Variants in DLGAP4 observed in about 807,000 individuals in gnomAD.
DLGAP4 encodes the protein disks large-associated protein 4.
Under a neutral mutation model 86.9 loss-of-function variants are expected in DLGAP4, and 18 were observed. The ratio of observed to expected loss-of-function variants is 0.21; its 90% CI spans 0.14 to 0.31. DLGAP4 has a LOEUF of 0.31. DLGAP4 is among the 10% of genes least tolerant of loss of function. DLGAP4 has a pLI of 1.00. For synonymous variants in DLGAP4, 548 were observed against 574.3 expected, an observed-to-expected ratio of 0.95 and a Z score of 0.65; for missense variants, 1,085 against 1,362.6, an observed-to-expected ratio of 0.80 and a Z score of 3.21.
rs34406684 is a variant in DLGAP4, at chr20:36,409,398, CTT to C, written c.-72-22238_-72-22237del. Among the ~76,000 whole-genome samples, 493 of 142,384 alleles carry C rather than the reference CTT, an allele frequency of 3.5e-3. 3 individuals carry two copies. Among genetic ancestry groups the C allele is most frequent in the African/African-American group, 0.012 (446 of 38,402 alleles). 93.4% of individuals were successfully genotyped at this position (142,384 alleles called of 152,430 possible). A position where few individuals can be genotyped will look rare whatever the true frequency, so the allele number is the denominator to read the frequency against. On this transcript the variant is annotated intron_variant, in intron 2 of 12. Coordinates refer to ENST00000339266, the MANE Select transcript of DLGAP4 (RefSeq NM_001365621.2). ...TAAAATAAAAAAAATTTTTTTAAGACTTTTTTTTTTTAACTCTTTTTTTTTTT... is the reference window on the plus strand; with the variant it reads ...TAAAATAAAAAAAATTTTTTTAAGACTTTTTTTTTAACTCTTTTTTTTTTT...
rs939573654 is a variant in DLGAP4, at chr20:36,428,366, G to A, written c.-72-3280G>A. ...GACAGCTCAGATCTAGGGGAAGATG[G>A]ACAAGAAACTAGCAAACAAGTAAAC... On this transcript the variant is annotated intron_variant, in intron 2 of 12. Transcript: ENST00000339266. Among the ~76,000 whole-genome samples, 9 of 152,326 alleles carry A rather than the reference G, an allele frequency of 5.9e-5. No homozygotes were observed. In the South Asian group the frequency reaches 1.9e-3, roughly 32 times the overall value.
At chr20:36,473,385 C>T (rs1028721609) in intron 7 of DLGAP4, among the ~76,000 whole-genome samples, 1 of 152,110 alleles carries the variant, frequency 6.6e-6, no homozygotes, top group Non-Finnish European at 1.5e-5. Context: ...CTGCAGATTC[C>T]TCATTTGTTT....
chr20:36,427,501 G>GGGAAGGAA lies in DLGAP4; in HGVS notation c.-72-4124_-72-4117dup, dbSNP rs557209124. Among the ~76,000 whole-genome samples, 385 of 150,342 alleles carry GGGAAGGAA rather than the reference G, an allele frequency of 2.6e-3. 1 individual carries two copies. Among genetic ancestry groups the GGGAAGGAA allele is most frequent in the African/African-American group, 9.2e-3 (374 of 40,496 alleles). On this transcript the variant is annotated intron_variant, in intron 2 of 12. Transcript: ENST00000339266. ...AAAAGAAAGAAGTGGGAGGGAGGGAGGGAAGGAAGGAAGGAAGGAAGGAAG... is the reference window on the plus strand; with the variant it reads ...AAAAGAAAGAAGTGGGAGGGAGGGAGGGAAGGAAGGAAGGAAGGAAGGAAGGAAGGAAG...
chr20:36,360,859 AG>A (rs1555894175), intron 1 of DLGAP4, among the ~76,000 whole-genome samples: 1 of 150,070 alleles, frequency 6.7e-6, no homozygotes, highest in Non-Finnish European at 1.5e-5. Context: ...GGGTGGGTTT[AG>A]GGGAGAAGGG....
chr20:36,436,839 A>G (rs922053295), intron 4 of DLGAP4, among the ~76,000 whole-genome samples: 8 of 151,546 alleles, frequency 5.3e-5, no homozygotes, highest in African/African-American at 1.9e-4. Flanking sequence ...AGAAAGAAAG[A>G]AAAAGAAAAG....
chr20:36,373,447 A>T (rs185339391), intron 2 of DLGAP4, among the ~76,000 whole-genome samples: 1 of 152,332 alleles, frequency 6.6e-6, no homozygotes, highest in Non-Finnish European at 1.5e-5. Flanking sequence ...GATTTGTCAA[A>T]TTTGTGGGAT....
intron 2 of DLGAP4, among the ~76,000 whole-genome samples, chr20:36,408,193 G>C (rs2032381421): frequency 6.6e-6 from 1 of 151,870 alleles, no homozygotes; most frequent in African/African-American, 2.4e-5. Flanking sequence ...GGATTGTGGG[G>C]GTTTGTTTGG....
At chr20:36,514,806 A>G (rs2036940291) in intron 10 of DLGAP4, among the ~76,000 whole-genome samples, 1 of 152,042 alleles carries the variant, frequency 6.6e-6, no homozygotes, top group Non-Finnish European at 1.5e-5. Flanking sequence ...TGCTGGAGAG[A>G]AAACAGGCAA....
In DLGAP4 at chr20:36,525,974, T is replaced by C; in HGVS notation, c.2728T>C (p.Trp910Arg). The change falls in exon 12 of 13, where the codon TGG (tryptophan) becomes CGG (arginine). Residue 910 changes from tryptophan to arginine, a missense_variant. By Grantham distance (101) the Trp-to-Arg change is moderately radical. This residue lies in a region of DLGAP4 where 1,082 missense variants were observed against 1,344.1 expected (regional missense o/e 0.81). Transcript: ENST00000339266. ...DELYHLKANS[W>R]QLVETPEKRK... is the part of the protein sequence containing the mutation. ...ACTCTACCACCTCAAGGCCAACAGC[T>C]GGCAGCTGGTGGAGACCCCCGAGAA... 6.2e-7 allele frequency: 1 copy of C among 1,613,922 alleles called. No homozygotes were observed. Among genetic ancestry groups the C allele is most frequent in the Non-Finnish European group, 8.5e-7 (1 of 1,179,970 alleles).
intron 10 of DLGAP4, among the ~76,000 whole-genome samples, chr20:36,520,302 T>C (rs2037298304): frequency 6.6e-6 from 1 of 152,184 alleles, no homozygotes; most frequent in Non-Finnish European, 1.5e-5. Context: ...ATACATGATT[T>C]GCAGAGATTT....
intron 1 of DLGAP4, among the ~76,000 whole-genome samples, chr20:36,359,967 G>A (rs558803526): frequency 5.3e-5 from 8 of 152,298 alleles, no homozygotes; most frequent in African/African-American, 1.9e-4. Flanking sequence ...GGGCCAGCCC[G>A]CTGAATCCTG....
intron 2 of DLGAP4, among the ~76,000 whole-genome samples, chr20:36,410,250 C>T (rs1426443813): frequency 6.6e-6 from 1 of 152,150 alleles, no homozygotes; most frequent in African/African-American, 2.4e-5. Context: ...CCACTTCCTT[C>T]TGGAAAAACC....
chr20:36,371,742 C>T (rs6016587), intron 2 of DLGAP4, among the ~76,000 whole-genome samples: 5,681 of 151,958 alleles, frequency 0.037, 356 homozygotes, highest in African/African-American at 0.13. Context: ...CATAGTGTGT[C>T]GTAGAGGTTT....
intron 1 of DLGAP4, among the ~76,000 whole-genome samples, chr20:36,357,196 C>T (rs998800538): frequency 2.0e-5 from 3 of 152,138 alleles, no homozygotes; most frequent in Admixed American, 6.5e-5. Context: ...CTCCTCTCGT[C>T]CTCCCCCAGA....
intron 7 of DLGAP4, among the ~76,000 whole-genome samples, chr20:36,485,115 G>T (rs539057326): frequency 6.6e-6 from 1 of 152,268 alleles, no homozygotes; most frequent in Non-Finnish European, 1.5e-5. Flanking sequence ...GCCGGGCGAG[G>T]TGGCTCGCGC....
Position 36,396,900 on chromosome 20 carries a change from A to G in DLGAP4, c.-73+29625A>G, listed in dbSNP as rs192599613. On this transcript the variant is annotated intron_variant, in intron 2 of 12. Transcript: ENST00000339266. ...AGCTGTGCCCTTTTAAAGAGTGACAACCCACCATGGAACAGGAAGTTGACC... is the reference window on the plus strand; with the variant it reads ...AGCTGTGCCCTTTTAAAGAGTGACAGCCCACCATGGAACAGGAAGTTGACC... 3.4e-3 allele frequency among the ~76,000 whole-genome samples: 524 copies of G among 152,262 alleles called. 4 individuals are homozygous for G. Among genetic ancestry groups the G allele is most frequent in the African/African-American group, 0.012 (508 of 41,550 alleles).
At chr20:36,366,699 C>A (rs2030699437) in intron 1 of DLGAP4, among the ~76,000 whole-genome samples, 2 of 152,164 alleles carry the variant, frequency 1.3e-5, no homozygotes, top group South Asian at 4.1e-4. Flanking sequence ...CTACCCCTTT[C>A]CCAACTTCTC....
intron 1 of DLGAP4, among the ~76,000 whole-genome samples, chr20:36,319,664 G>A (rs571256008): frequency 3.9e-5 from 6 of 152,296 alleles, no homozygotes; most frequent in African/African-American, 1.4e-4. Flanking sequence ...AAAGACCTCA[G>A]GGGTGGAGCG....
Position 36,461,702 on chromosome 20 carries a change from C to T in DLGAP4, c.1648+14765C>T, listed in dbSNP as rs1433515275. 8.6e-6 allele frequency: 5 copies of T among 579,078 alleles called. No homozygotes were observed. The African/African-American group carries it at 9.8e-5, about 11-fold the overall frequency. The allele number at this position is 579,078 out of a possible 1,614,324, so 35.9% of individuals were successfully genotyped here. ...GGCCCTGCCCCGCCCCCGCCCTCGCCCTCCTCCTCCTCCTCCTCCTCCCCG... is the reference window on the plus strand; with the variant it reads ...GGCCCTGCCCCGCCCCCGCCCTCGCTCTCCTCCTCCTCCTCCTCCTCCCCG... On this transcript the variant is annotated intron_variant, in intron 7 of 12. Transcript: ENST00000339266.
Sources: gnomAD v4.1 joint callset for allele counts (sites outside exome capture counted in the v4.1 genomes callset) on GRCh38, gnomAD v4.1.1 for gene constraint, gnomAD v4.1.1 regional missense constraint, MANE v1.5 for transcripts, NCBI Gene and HGNC (gene_info 2026-07-23, HGNC 2026-07-21) for gene names.